The following APPL1 variants were observed in gnomAD, a reference collection of about 807,000 sequenced individuals.
APPL1 encodes the protein DCC-interacting protein 13-alpha.
In APPL1, 42 loss-of-function variants were observed where a neutral mutation model predicts 106.8. The ratio of observed to expected loss-of-function variants is 0.39; its 90% confidence interval spans 0.31 to 0.51. The LOEUF is 0.51. Among genes scored for constraint, APPL1 ranks in the 20% least tolerant of loss-of-function variants. APPL1 has a pLI of 0.75. For synonymous variants in APPL1, 263 were observed against 281.8 expected (o/e 0.93, Z 0.67); for missense variants, 769 against 858.2 (o/e 0.90, Z 1.30).
intron 1 of APPL1, among the ~76,000 whole-genome samples, chr3:57,234,913 C>G (rs2060708554): frequency 6.6e-6 from 1 of 152,114 alleles, no homozygotes; most frequent in African/African-American, 2.4e-5. Context: ...CCTCGGCCTC[C>G]CAAAGTGCTG....
Position 57,259,051 on chromosome 3 carries a change from C to G in APPL1, c.1454C>G (p.Ser485Cys). The stretch of plus-strand genomic sequence containing the variant: ...AGGCGTACAAATCCATTTGGAGAAT[C>G]TGGAGGAAGTACAAAATCTGAAACT... The part of the protein sequence containing the change: ...GGRRTNPFGE[S>C]GGSTKSETED... Residue 485 changes from serine to cysteine, a missense_variant, in exon 16 of 22, where the codon TCT becomes TGT. Physicochemically the swap from Ser to Cys is moderately radical, Grantham distance 112 (BLOSUM62 -1). Transcript: ENST00000288266. The G allele has an allele frequency of 6.2e-7, 1 of 1,612,698 alleles. No individual in the cohort carries two copies. Among genetic ancestry groups the G allele is most frequent in the Non-Finnish European group, 8.5e-7 (1 of 1,179,402 alleles).
chr3:57,268,100 A>AG (rs2107613045), intron 20 of APPL1: 1 of 472,418 alleles, frequency 2.1e-6, no homozygotes, highest in African/African-American at 2.0e-5. Flanking sequence ...CTCAAAAAAA[A>AG]AAAAGGAATC....
intron 1 of APPL1, chr3:57,230,651 A>T (rs2060681503): frequency 7.0e-6 from 2 of 284,208 alleles, no homozygotes. Context: ...GCTTTTATAA[A>T]TAGGGCTGAG....
chr3:57,272,130 A>G lies in APPL1; in HGVS notation c.*2443A>G, dbSNP rs1478161448. On this transcript the variant is annotated 3_prime_UTR_variant, in exon 22 of 22. Coordinates refer to ENST00000288266, the MANE Select transcript of APPL1 (RefSeq NM_012096.3). Reference sequence around the variant, plus strand: ...CTTAATGGTGTTAGAAATCAACAAAACTCCTTTTTAAAAAGAAAAGATATT... The same window carrying G: ...CTTAATGGTGTTAGAAATCAACAAAGCTCCTTTTTAAAAAGAAAAGATATT... 4 of 151,720 alleles carry G rather than the reference A, an allele frequency of 2.6e-5. No homozygotes were observed. Among genetic ancestry groups the G allele is most frequent in the Non-Finnish European group, 1.5e-5 (1 of 67,924 alleles). 9.4% of individuals were successfully genotyped at this position (151,720 alleles called of 1,614,324 possible). A position where few individuals can be genotyped will look rare whatever the true frequency, so the allele number is the denominator to read the frequency against.
rs1182031133 is a variant in APPL1, at chr3:57,271,259, G to A, written c.*1572G>A. On this transcript the variant is annotated 3_prime_UTR_variant, in exon 22 of 22. Coordinates refer to ENST00000288266, the MANE Select transcript of APPL1 (RefSeq NM_012096.3). ...TGTACATTGTTTTCTGTAGGAATAGGATAATGATATATAGGATCATGATAT... is the reference window on the plus strand; with the variant it reads ...TGTACATTGTTTTCTGTAGGAATAGAATAATGATATATAGGATCATGATAT... The A allele has an allele frequency of 1.3e-5, 2 of 152,392 alleles. No individual in the cohort carries two copies. Among genetic ancestry groups the A allele is most frequent in the Non-Finnish European group, 2.9e-5 (2 of 67,978 alleles). 9.4% of individuals were successfully genotyped at this position (152,392 alleles called of 1,614,324 possible).
At position 57,259,535 on chromosome 3, in the gene APPL1, A is replaced by T. The variant is rs572074630; in HGVS notation, c.1484-310A>T. Among the ~76,000 whole-genome samples, 175 of 152,160 alleles carry T rather than the reference A, an allele frequency of 1.2e-3. 1 individual carries two copies. The highest frequency in any genetic ancestry group is 3.9e-3 in the African/African-American group (162 of 41,514). ...GGTCTCGAACTCCTGGGCTCAAGGG[A>T]TCCTCCTGCCTTAGCCTCCCAAAGT... On this transcript the variant is annotated intron_variant, in intron 16 of 21. Coordinates refer to ENST00000288266, the MANE Select transcript of APPL1 (RefSeq NM_012096.3).
intron 6 of APPL1, among the ~76,000 whole-genome samples, 153 bp from the exon 7 acceptor site, chr3:57,242,703 T>C (rs2060753096): frequency 6.6e-6 from 1 of 152,160 alleles, no homozygotes; most frequent in African/African-American, 2.4e-5. Flanking sequence ...TAGGGGAAAT[T>C]TGGCTGTGGG....
chr3:57,247,735 A>G (rs1295113333), intron 9 of APPL1, among the ~76,000 whole-genome samples: 2 of 152,166 alleles, frequency 1.3e-5, no homozygotes, highest in Non-Finnish European at 2.9e-5. Context: ...CAGACACATA[A>G]TAGTAACTCC....
At chr3:57,251,359 A>C (rs1186727758) in intron 11 of APPL1, among the ~76,000 whole-genome samples, 2 of 151,506 alleles carry the variant, frequency 1.3e-5, no homozygotes, top group Non-Finnish European at 2.9e-5. Context: ...TCCAGTCTCT[A>C]CTAAAAATAC....
intron 15 of APPL1, among the ~76,000 whole-genome samples, chr3:57,257,941 C>G (rs1385806021): frequency 6.6e-6 from 1 of 152,076 alleles, no homozygotes; most frequent in Non-Finnish European, 1.5e-5. Flanking sequence ...GGAAACATGA[C>G]TTAAGGCAAA....
At chr3:57,258,183 G>T (rs1191420229) in intron 15 of APPL1, among the ~76,000 whole-genome samples, 1 of 151,828 alleles carries the variant, frequency 6.6e-6, no homozygotes, top group Admixed American at 6.6e-5. Context: ...TTTGAGATGG[G>T]GTCTCACTCT....
At chr3:57,241,022 A>G (rs1387587948) in intron 5 of APPL1, among the ~76,000 whole-genome samples, 3 of 152,210 alleles carry the variant, frequency 2.0e-5, no homozygotes, top group Admixed American at 6.5e-5. Flanking sequence ...TGTGGCTGCA[A>G]TGCTGTATGT....
At position 57,273,085 on chromosome 3, in the gene APPL1, A is replaced by ATATT. The variant is rs1461980071; in HGVS notation, c.*3399_*3402dup. The ATATT allele has an allele frequency of 2.0e-5, 3 of 152,628 alleles. No homozygotes were observed. Among genetic ancestry groups the ATATT allele is most frequent in the Non-Finnish European group, 4.4e-5 (3 of 68,028 alleles). The allele number at this position is 152,628 out of a possible 1,614,324, so 9.5% of individuals were successfully genotyped here. A position where few individuals can be genotyped will look rare whatever the true frequency, so the allele number is the denominator to read the frequency against. ...GACATAAAGATTTGAAACTGGAACT[A>ATATT]TATTATACTTTTTAACCAATCTCTG... On this transcript the variant is annotated 3_prime_UTR_variant, in exon 22 of 22. Transcript: ENST00000288266.
intron 1 of APPL1, among the ~76,000 whole-genome samples, chr3:57,230,972 A>G (rs1394073057): frequency 2.6e-5 from 4 of 151,890 alleles, no homozygotes; most frequent in African/African-American, 9.7e-5. Context: ...ATCTTGGCTC[A>G]CTGCAACCTC....
At chr3:57,239,214 A>G (rs182919232) in intron 4 of APPL1, among the ~76,000 whole-genome samples, 1 of 152,150 alleles carries the variant, frequency 6.6e-6, no homozygotes, top group African/African-American at 2.4e-5. Flanking sequence ...CTCCCACAAC[A>G]TGTGGGAATT....
At chr3:57,263,000 C>T (rs1005129841) in intron 19 of APPL1, among the ~76,000 whole-genome samples, 2 of 151,498 alleles carry the variant, frequency 1.3e-5, no homozygotes, top group Non-Finnish European at 1.5e-5. Context: ...TATAGGCATG[C>T]GCCACCACGC....
chr3:57,267,142 G>A (rs2060898720), intron 19 of APPL1, among the ~76,000 whole-genome samples: 1 of 152,208 alleles, frequency 6.6e-6, no homozygotes, highest in Non-Finnish European at 1.5e-5. Flanking sequence ...CCATGAGCAT[G>A]GGATGTTCTT....
At chr3:57,245,135 T>C (rs952922047) in intron 7 of APPL1, among the ~76,000 whole-genome samples, 5 of 151,950 alleles carry the variant, frequency 3.3e-5, no homozygotes, top group Non-Finnish European at 5.9e-5. Context: ...CTTGGGAAGG[T>C]GAGAGGGAGG....
chr3:57,269,988 T>C lies in APPL1; in HGVS notation c.*301T>C. On this transcript the variant is annotated 3_prime_UTR_variant, in exon 22 of 22. Coordinates refer to ENST00000288266, the MANE Select transcript of APPL1 (RefSeq NM_012096.3). The stretch of plus-strand genomic sequence containing the variant: ...ATTTTTTCCGTCAAATTGTGAACTT[T>C]TAATTCTTGCATTGTAATTGGCTGT... 4.8e-6 allele frequency: 1 copy of C among 210,058 alleles called. No homozygotes were observed. Among genetic ancestry groups the C allele is most frequent in the Non-Finnish European group, 9.5e-6 (1 of 105,630 alleles). The allele number at this position is 210,058 out of a possible 1,614,324, so 13.0% of individuals were successfully genotyped here.
Sources: allele counts gnomAD v4.1 joint callset (sites outside exome capture counted in the v4.1 genomes callset), GRCh38; gene constraint gnomAD v4.1.1; transcripts MANE v1.5; gene names NCBI Gene and HGNC (gene_info 2026-07-23, HGNC 2026-07-21).